Variants in EIF4G3 observed in about 807,000 individuals in gnomAD.
EIF4G3 encodes eukaryotic translation initiation factor 4 gamma 3.
In EIF4G3, 34 loss-of-function variants were observed where a neutral mutation model predicts 186.4. That is an observed-to-expected ratio of 0.18 (90% CI 0.14 to 0.24). EIF4G3 has a LOEUF of 0.24. Among genes scored for constraint, EIF4G3 ranks in the 10% least tolerant of loss-of-function variants. The pLI is 1.00. For synonymous variants in EIF4G3, 673 were observed against 679.5 expected (o/e 0.99, Z 0.15); for missense variants, 1,536 against 1,948.5 (o/e 0.79, Z 3.99).
chr1:20,950,985 A>AT (rs1319595486), intron 12 of EIF4G3, among the ~76,000 whole-genome samples: 2 of 152,116 alleles, frequency 1.3e-5, no homozygotes, highest in Non-Finnish European at 2.9e-5. Flanking sequence ...TCTAAGGTCA[A>AT]TTTTTTTGGT....
intron 3 of EIF4G3, among the ~76,000 whole-genome samples, chr1:21,065,430 T>C (rs1395510): frequency 6.9e-6 from 1 of 145,030 alleles, no homozygotes; most frequent in East Asian, 2.0e-4. Context: ...AGCATGGTGG[T>C]GTGCACTTGT....
At chr1:20,907,565 C>T (rs529373437) in intron 14 of EIF4G3, among the ~76,000 whole-genome samples, 3 of 149,292 alleles carry the variant, frequency 2.0e-5, no homozygotes, top group East Asian at 4.0e-4. Context: ...CAACAGTCCC[C>T]GGTGTGTGAT....
intron 29 of EIF4G3, among the ~76,000 whole-genome samples, chr1:20,846,673 T>C (rs950142621): frequency 1.3e-5 from 2 of 152,202 alleles, no homozygotes. Context: ...AAATATGGTA[T>C]ACCCAGTCAT....
intron 2 of EIF4G3, among the ~76,000 whole-genome samples, chr1:21,168,785 G>A (rs1317176146): frequency 6.6e-6 from 1 of 151,572 alleles, no homozygotes; most frequent in Non-Finnish European, 1.5e-5. Flanking sequence ...TACAAAACTA[G>A]GTACATAATC....
rs777250439 is a variant in EIF4G3, at chr1:20,825,070, C to T, written c.4368+30G>A. The T allele has an allele frequency of 1.6e-4, 234 of 1,473,180 alleles. 1 individual carries two copies. The highest frequency in any genetic ancestry group is 2.1e-4 in the Non-Finnish European group (220 of 1,067,110). The allele number at this position is 1,473,180 out of a possible 1,614,324, so 91.3% of individuals were successfully genotyped here. ...CTCTATGAAATAGATCAACTACTAT[C>T]AAACAGCAAAACATAAGCCTTGTTC... On this transcript the variant is annotated intron_variant, in intron 33 of 36. Coordinates refer to ENST00000602326, the MANE Select transcript of EIF4G3 (RefSeq NM_001391906.1).
intron 4 of EIF4G3, among the ~76,000 whole-genome samples, chr1:21,011,301 T>C (rs536123822): frequency 6.6e-6 from 1 of 152,156 alleles, no homozygotes; most frequent in African/African-American, 2.4e-5. Context: ...CTACAGGTAA[T>C]TGACAAAAGA....
intron 16 of EIF4G3, among the ~76,000 whole-genome samples, chr1:20,897,241 C>T (rs2088541160): frequency 6.6e-6 from 1 of 152,084 alleles, no homozygotes; most frequent in African/African-American, 2.4e-5. Context: ...CACATACACA[C>T]TAAGTAACCT....
At chr1:20,970,805 A>T (rs2075727261) in intron 11 of EIF4G3, among the ~76,000 whole-genome samples, 1 of 152,008 alleles carries the variant, frequency 6.6e-6, no homozygotes, top group Non-Finnish European at 1.5e-5. Context: ...CTCTACTAAA[A>T]ATACAAAAAT....
At chr1:20,981,749 C>CATAT (rs1039366104) in intron 8 of EIF4G3, among the ~76,000 whole-genome samples, 1 of 147,688 alleles carries the variant, frequency 6.8e-6, no homozygotes, top group East Asian at 1.9e-4. Context: ...TATACACATA[C>CATAT]ATATATGTAT....
chr1:21,004,819 A>C (rs949914278), intron 4 of EIF4G3, among the ~76,000 whole-genome samples: 3 of 152,162 alleles, frequency 2.0e-5, no homozygotes, highest in Admixed American at 2.0e-4. Flanking sequence ...GTTATAAAAA[A>C]CAAAATTAAT....
intron 2 of EIF4G3, among the ~76,000 whole-genome samples, chr1:21,163,203 C>A (rs1320772161): frequency 1.3e-5 from 2 of 152,188 alleles, no homozygotes; most frequent in Non-Finnish European, 2.9e-5. Flanking sequence ...CAGAGCCACA[C>A]TCAGCTTTCA....
Position 20,828,840 on chromosome 1 carries a change from G to A in EIF4G3, c.4187+307C>T, listed in dbSNP as rs75125424. On this transcript the variant is annotated intron_variant, in intron 31 of 36. Coordinates refer to ENST00000602326, the MANE Select transcript of EIF4G3 (RefSeq NM_001391906.1). ...TACTTACAGCACTACTGCAATGATA[G>A]ACACAAAAGCCAGATGAACATTAAG... is the stretch of plus-strand genomic sequence containing the variant. 1.3e-3 allele frequency among the ~76,000 whole-genome samples: 197 copies of A among 152,262 alleles called. 1 individual carries two copies. Among genetic ancestry groups the A allele is most frequent in the Middle Eastern group, 3.4e-3 (1 of 294 alleles).
chr1:20,880,419 C>T (rs2081996958), intron 19 of EIF4G3, among the ~76,000 whole-genome samples: 1 of 152,046 alleles, frequency 6.6e-6, no homozygotes, highest in Non-Finnish European at 1.5e-5. Flanking sequence ...TTTTAAGTAC[C>T]ATTTACAGCA....
intron 35 of EIF4G3, among the ~76,000 whole-genome samples, chr1:20,811,359 T>C (rs1393676298): frequency 1.3e-5 from 2 of 151,972 alleles, no homozygotes; most frequent in African/African-American, 4.8e-5. Context: ...GCAATCCTTC[T>C]GCCTTGGCCT....
intron 3 of EIF4G3, among the ~76,000 whole-genome samples, chr1:21,069,501 G>A (rs1394653405): frequency 6.6e-6 from 1 of 152,064 alleles, no homozygotes; most frequent in African/African-American, 2.4e-5. Context: ...ACAAAACCTT[G>A]CATATAGCTC....
At chr1:21,021,353 C>T (rs1023890341) in intron 4 of EIF4G3, among the ~76,000 whole-genome samples, 1 of 152,150 alleles carries the variant, frequency 6.6e-6, no homozygotes, top group Non-Finnish European at 1.5e-5. Flanking sequence ...TTACATGCTA[C>T]AAATGCTGCA....
intron 2 of EIF4G3, among the ~76,000 whole-genome samples, chr1:21,171,304 C>A (rs902542614): frequency 1.3e-5 from 2 of 152,180 alleles, no homozygotes. Flanking sequence ...CTCACCACAG[C>A]ACCACGGGAG....
intron 14 of EIF4G3, among the ~76,000 whole-genome samples, chr1:20,929,212 C>T (rs556452321): frequency 6.0e-4 from 91 of 152,202 alleles, no homozygotes; most frequent in Non-Finnish European, 1.1e-3. Flanking sequence ...GCCTTTCTTC[C>T]TAATTTTCCA....
intron 22 of EIF4G3, among the ~76,000 whole-genome samples, chr1:20,862,628 G>C (rs1190548036): frequency 1.3e-5 from 2 of 152,208 alleles, no homozygotes; most frequent in Non-Finnish European, 2.9e-5. Context: ...GCTCAGGCTG[G>C]TCTTGAACTC....
Sources: allele counts gnomAD v4.1 joint callset (sites outside exome capture counted in the v4.1 genomes callset), GRCh38; gene constraint gnomAD v4.1.1; transcripts MANE v1.5; gene names NCBI Gene and HGNC (gene_info 2026-07-23, HGNC 2026-07-21).